Variants in TRAPPC9 observed in about 807,000 individuals in gnomAD.
TRAPPC9 encodes the protein trafficking protein particle complex subunit 9.
Under a neutral mutation model 124.0 loss-of-function variants are expected in TRAPPC9, and 83 were observed. The ratio of observed to expected loss-of-function variants is 0.67; its 90% CI spans 0.56 to 0.80. The LOEUF (loss-of-function observed/expected upper bound fraction) is 0.80, where lower values mean the gene tolerates loss of function less well. Ranked by LOEUF, TRAPPC9 falls within the 30% of genes least tolerant of loss-of-function variation. TRAPPC9 has a pLI of 0.00. For missense variants in TRAPPC9, 1,302 were observed against 1,508.3 expected, an observed-to-expected ratio of 0.86 and a Z score of 2.27; for synonymous variants, 638 against 617.5, an observed-to-expected ratio of 1.03 and a Z score of -0.49.
At chr8:139,990,625 C>T (rs1052993300) in intron 18 of TRAPPC9, among the ~76,000 whole-genome samples, 4 of 151,926 alleles carry the variant, frequency 2.6e-5, no homozygotes, top group African/African-American at 9.7e-5. Flanking sequence ...TCACTCTTGT[C>T]GTCCAGGCTG....
rs1237019634 is a variant in TRAPPC9, at chr8:139,961,059, G to A, written c.2810+27667C>T. The stretch of plus-strand genomic sequence containing the variant: ...AGACAGGAAGAAAAAAACAAACAAG[G>A]CAGATTACAGGACATGAGATCCCAA... On this transcript the variant is annotated intron_variant, in intron 19 of 22. Coordinates refer to ENST00000438773, the MANE Select transcript of TRAPPC9 (RefSeq NM_001160372.4). Among the ~76,000 whole-genome samples, 18 of 124,696 alleles carry A rather than the reference G, an allele frequency of 1.4e-4. 7 individuals are homozygous for A. The South Asian group carries it at 3.5e-3, about 24-fold the overall frequency. 81.8% of individuals were successfully genotyped at this position (124,696 alleles called of 152,430 possible). A position where few individuals can be genotyped will look rare whatever the true frequency, so the allele number is the denominator to read the frequency against.
intron 5 of TRAPPC9, among the ~76,000 whole-genome samples, chr8:140,414,145 G>A (rs2069814939): frequency 6.6e-6 from 1 of 152,112 alleles, no homozygotes. Flanking sequence ...GACCCAAGAA[G>A]AAATATGAAG....
intron 7 of TRAPPC9, among the ~76,000 whole-genome samples, chr8:140,383,264 C>T (rs1415219963): frequency 6.6e-6 from 1 of 152,216 alleles, no homozygotes; most frequent in Non-Finnish European, 1.5e-5. Context: ...ACCTCTCCTC[C>T]TCCAAAGGAA....
chr8:140,417,398 G>A (rs936418250), intron 5 of TRAPPC9, among the ~76,000 whole-genome samples: 47 of 152,096 alleles, frequency 3.1e-4, no homozygotes, highest in Admixed American at 1.1e-3. Context: ...AAGCAAAGGC[G>A]AAGGATATGA....
At chr8:140,321,384 G>C (rs1489734817) in intron 9 of TRAPPC9, among the ~76,000 whole-genome samples, 65 of 152,240 alleles carry the variant, frequency 4.3e-4, no homozygotes, top group Non-Finnish European at 1.6e-4. Context: ...GTCCATCCAA[G>C]ACTGCCTCAA....
At chr8:140,139,315 G>T (rs1015057598) in intron 17 of TRAPPC9, among the ~76,000 whole-genome samples, 1 of 152,064 alleles carries the variant, frequency 6.6e-6, no homozygotes, top group African/African-American at 2.4e-5. Flanking sequence ...ACCCTCCCTG[G>T]GAGAGTTAGG....
At chr8:140,025,608 A>T (rs188463373) in intron 17 of TRAPPC9, among the ~76,000 whole-genome samples, 2 of 152,156 alleles carry the variant, frequency 1.3e-5, no homozygotes, top group East Asian at 3.9e-4. Flanking sequence ...AAAGGAAATC[A>T]AAGCTTCTCA....
intron 19 of TRAPPC9, among the ~76,000 whole-genome samples, chr8:139,927,599 A>T (rs1244186886): frequency 6.6e-6 from 1 of 151,870 alleles, no homozygotes; most frequent in Non-Finnish European, 1.5e-5. Context: ...CCAAAATCCT[A>T]CTCCCAGATA....
chr8:140,337,491 A>T (rs915819924), intron 9 of TRAPPC9, among the ~76,000 whole-genome samples: 1 of 152,214 alleles, frequency 6.6e-6, no homozygotes, highest in Non-Finnish European at 1.5e-5. Context: ...GGACTGTGAC[A>T]TATGAGCCAC....
In TRAPPC9 at chr8:140,263,226, C is replaced by T. The variant is rs539877125; in HGVS notation, c.2279-10297G>A. 7.9e-4 allele frequency among the ~76,000 whole-genome samples: 120 copies of T among 152,260 alleles called. 1 individual carries two copies. Among genetic ancestry groups the T allele is most frequent in the African/African-American group, 2.7e-3 (113 of 41,552 alleles). On this transcript the variant is annotated intron_variant, in intron 15 of 22. Coordinates refer to ENST00000438773, the MANE Select transcript of TRAPPC9 (RefSeq NM_001160372.4). The stretch of plus-strand genomic sequence containing the variant: ...CCACTCCAAAAAAGAGCAGAGAGGA[C>T]GATCCCTCTGCTGCCCCCGCCCTGC...
At chr8:140,279,051 T>C (rs2065221717) in intron 14 of TRAPPC9, among the ~76,000 whole-genome samples, 1 of 152,250 alleles carries the variant, frequency 6.6e-6, no homozygotes, top group African/African-American at 2.4e-5. Context: ...TGTTGTTCCC[T>C]CTTCTTTGCA....
chr8:140,115,634 A>C (rs1165501802), intron 17 of TRAPPC9, among the ~76,000 whole-genome samples: 1 of 149,976 alleles, frequency 6.7e-6, no homozygotes, highest in East Asian at 2.0e-4. Flanking sequence ...TGGTTGCCTG[A>C]ATCTAAGGAT....
At chr8:140,065,104 T>C (rs1842841518) in intron 17 of TRAPPC9, among the ~76,000 whole-genome samples, 1 of 152,238 alleles carries the variant, frequency 6.6e-6, no homozygotes, top group Non-Finnish European at 1.5e-5. Flanking sequence ...TTAATACAAC[T>C]TGTATTGATG....
chr8:139,855,752 C>G (rs976762396), intron 21 of TRAPPC9, among the ~76,000 whole-genome samples: 1 of 152,234 alleles, frequency 6.6e-6, no homozygotes, highest in African/African-American at 2.4e-5. Flanking sequence ...CTGCCGCAAG[C>G]CCGCTCGACC....
At chr8:140,289,003 G>A (rs573133638) in intron 12 of TRAPPC9, among the ~76,000 whole-genome samples, 6 of 152,258 alleles carry the variant, frequency 3.9e-5, no homozygotes, top group East Asian at 1.9e-4. Context: ...GAGTTCTCAC[G>A]CGGGAAGAAA....
At chr8:139,884,602 T>C (rs557113163) in intron 21 of TRAPPC9, among the ~76,000 whole-genome samples, 1 of 152,176 alleles carries the variant, frequency 6.6e-6, no homozygotes, top group Non-Finnish European at 1.5e-5. Flanking sequence ...GGGGCCCAGA[T>C]GTCTTTCCCG....
chr8:139,730,148 GCCT>G lies in TRAPPC9; in HGVS notation c.*910_*912del, dbSNP rs1817730992. On this transcript the variant is annotated 3_prime_UTR_variant, in exon 23 of 23. Coordinates refer to ENST00000438773, the MANE Select transcript of TRAPPC9 (RefSeq NM_001160372.4). ...CACTGGTGATCTCCCTCCCCTGCAG[GCCT>G]CCTTCCACCTCCCAGACAAGCTGCT... Among the ~76,000 whole-genome samples the G allele has an allele frequency of 6.6e-6, 1 of 152,152 alleles. No individual in the cohort carries two copies. Among genetic ancestry groups the G allele is most frequent in the Non-Finnish European group, 1.5e-5 (1 of 68,024 alleles).
intron 9 of TRAPPC9, among the ~76,000 whole-genome samples, chr8:140,351,448 T>C (rs2067574086): frequency 1.3e-5 from 2 of 151,860 alleles, no homozygotes; most frequent in Non-Finnish European, 2.9e-5. Flanking sequence ...TTGTATGAAG[T>C]GTTACAAGTA....
chr8:140,090,985 C>T (rs1364732346), intron 17 of TRAPPC9, among the ~76,000 whole-genome samples: 2 of 152,224 alleles, frequency 1.3e-5, no homozygotes, highest in African/African-American at 4.8e-5. Flanking sequence ...AATTAAAAGT[C>T]GCAGTCCAAA....
Sources: gnomAD v4.1 joint callset for allele counts (sites outside exome capture counted in the v4.1 genomes callset) on GRCh38, gnomAD v4.1.1 for gene constraint, MANE v1.5 for transcripts, NCBI Gene and HGNC (gene_info 2026-07-23, HGNC 2026-07-21) for gene names.